PCMTD1: variants seen among roughly 807,000 people sequenced by gnomAD.
PCMTD1 encodes protein-L-isoaspartate (D-aspartate) O-methyltransferase domain containing 1.
PCMTD1 carries 12 observed loss-of-function variants against 37.6 expected under a neutral mutation model. That is an observed-to-expected ratio of 0.32 (90% confidence interval 0.20 to 0.52). The LOEUF (loss-of-function observed/expected upper bound fraction) is 0.52, where lower values mean the gene tolerates loss of function less well. Ranked by LOEUF, PCMTD1 falls within the 20% of genes least tolerant of loss-of-function variation. The pLI is 0.97. For missense variants in PCMTD1, 235 were observed against 421.3 expected (o/e 0.56, Z 3.87); for synonymous variants, 117 against 135.8 (o/e 0.86, Z 0.96).
intron 2 of PCMTD1, among the ~76,000 whole-genome samples, chr8:51,859,622 TAA>T (rs1042202368): frequency 6.6e-6 from 1 of 152,034 alleles, no homozygotes; most frequent in African/African-American, 2.4e-5. Context: ...GACTATACCT[TAA>T]AAGTCATAAT....
chr8:51,869,993 C>A (rs7011046), intron 1 of PCMTD1, among the ~76,000 whole-genome samples: 2 of 152,094 alleles, frequency 1.3e-5, no homozygotes, highest in South Asian at 2.1e-4. Context: ...TGTCAAAGGC[C>A]CCATACAATA....
intron 2 of PCMTD1, among the ~76,000 whole-genome samples, chr8:51,851,170 T>C (rs529145392): frequency 6.6e-6 from 1 of 152,370 alleles, no homozygotes; most frequent in East Asian, 1.9e-4. Context: ...TTGACCACTC[T>C]GAAGCTAATA....
intron 1 of PCMTD1, among the ~76,000 whole-genome samples, chr8:51,868,437 G>A (rs1362074449): frequency 6.6e-6 from 1 of 152,128 alleles, no homozygotes; most frequent in East Asian, 1.9e-4. Flanking sequence ...CTTCTGGAAT[G>A]TGAGGCTGGG....
At chr8:51,853,610 A>C (rs1221638830) in intron 2 of PCMTD1, among the ~76,000 whole-genome samples, 1 of 152,212 alleles carries the variant, frequency 6.6e-6, no homozygotes, top group Non-Finnish European at 1.5e-5. Flanking sequence ...AGATATGTAC[A>C]TACATAAATA....
intron 5 of PCMTD1, among the ~76,000 whole-genome samples, chr8:51,822,497 T>G (rs1231000465): frequency 6.6e-6 from 1 of 152,194 alleles, no homozygotes; most frequent in Non-Finnish European, 1.5e-5. Context: ...TGTACTTACT[T>G]TGTGTTAGAT....
intron 3 of PCMTD1, among the ~76,000 whole-genome samples, chr8:51,834,728 T>A (rs191697575): frequency 6.6e-6 from 1 of 152,272 alleles, no homozygotes; most frequent in Non-Finnish European, 1.5e-5. Flanking sequence ...TTAATAGACT[T>A]ATTACACAAT....
rs1359853862 is a variant in PCMTD1 at position 51,845,406 on chromosome 8, CTGAA to C, written c.410+251_410+254del. 1.2e-5 allele frequency: 4 copies of C among 336,468 alleles called. No individual in the cohort carries two copies. The East Asian group carries it at 1.7e-4, about 14-fold the overall frequency. The allele number at this position is 336,468 out of a possible 1,614,324, so 20.8% of individuals were successfully genotyped here. ...TACACTGTATCTCCAGAAAAGATAGCTGAATGTTTAATGAATTCAACATTACTAA... is the reference window on the plus strand; with the variant it reads ...TACACTGTATCTCCAGAAAAGATAGCTGTTTAATGAATTCAACATTACTAA... On this transcript the variant is annotated intron_variant, in intron 3 of 5. Transcript: ENST00000522514.
Position 51,838,010 on chromosome 8 carries a change from C to T in PCMTD1, c.411-4321G>A, listed in dbSNP as rs1363588528. ...AGATGTTGCCCAGGCTGGTTCTGAACTCCTGAACTCCGGCAATCTACCTGC... is the reference window on the plus strand; with the variant it reads ...AGATGTTGCCCAGGCTGGTTCTGAATTCCTGAACTCCGGCAATCTACCTGC... On this transcript the variant is annotated intron_variant, in intron 3 of 5. Coordinates refer to ENST00000522514, the MANE Select transcript of PCMTD1 (RefSeq NM_052937.4). Among the ~76,000 whole-genome samples, 11 of 152,252 alleles carry T rather than the reference C, an allele frequency of 7.2e-5. No individual in the cohort carries two copies. In the East Asian group the frequency reaches 1.4e-3, roughly 19 times the overall value.
In PCMTD1 at chr8:51,821,448, T is replaced by C. The variant is rs2037847279; in HGVS notation, c.707-730A>G. ...AAACCATCATGCCCGGCCCTCTACATGTAAAAATACACAAAAACCATCTGC... is the reference window on the plus strand; with the variant it reads ...AAACCATCATGCCCGGCCCTCTACACGTAAAAATACACAAAAACCATCTGC... On this transcript the variant is annotated intron_variant, in intron 5 of 5. Coordinates refer to ENST00000522514, the MANE Select transcript of PCMTD1 (RefSeq NM_052937.4). 2.0e-5 allele frequency among the ~76,000 whole-genome samples: 3 copies of C among 152,294 alleles called. No homozygotes were observed. The South Asian group carries it at 6.2e-4, about 32-fold the overall frequency.
chr8:51,832,419 G>C (rs537611308), intron 4 of PCMTD1, among the ~76,000 whole-genome samples: 8 of 152,282 alleles, frequency 5.3e-5, no homozygotes, highest in Admixed American at 1.3e-4. Context: ...AGTACATGGT[G>C]ATAGTGAGAT....
At chr8:51,856,942 G>C (rs575294851) in intron 2 of PCMTD1, among the ~76,000 whole-genome samples, 3 of 152,296 alleles carry the variant, frequency 2.0e-5, no homozygotes, top group African/African-American at 7.2e-5. Flanking sequence ...TCACTGAATT[G>C]TACTCTTAAA....
At chr8:51,823,769 T>C (rs2037881100) in intron 5 of PCMTD1, among the ~76,000 whole-genome samples, 1 of 152,210 alleles carries the variant, frequency 6.6e-6, no homozygotes, top group Non-Finnish European at 1.5e-5. Context: ...CCAATATCCC[T>C]GATGAACATC....
At chr8:51,898,829 T>A (rs976971068) in intron 1 of PCMTD1, 101 bp downstream of exon 1, 2 of 994,626 alleles carry the variant, frequency 2.0e-6, no homozygotes, top group African/African-American at 2.0e-5. Context: ...GCCGTCCCCC[T>A]GGCCCTCTGG....
At chr8:51,892,828 A>G (rs565976096) in intron 1 of PCMTD1, among the ~76,000 whole-genome samples, 34 of 151,340 alleles carry the variant, frequency 2.2e-4, no homozygotes, top group African/African-American at 8.2e-4. Context: ...AAATTTATTT[A>G]TATTTCATTG....
chr8:51,821,449 G>A (rs919259056), intron 5 of PCMTD1, among the ~76,000 whole-genome samples: 3 of 152,096 alleles, frequency 2.0e-5, no homozygotes, highest in Admixed American at 6.5e-5. Flanking sequence ...CCCTCTACAT[G>A]TAAAAATACA....
chr8:51,870,005 T>C (rs1281328049), intron 1 of PCMTD1, among the ~76,000 whole-genome samples: 1 of 152,150 alleles, frequency 6.6e-6, no homozygotes, highest in African/African-American at 2.4e-5. Context: ...CATACAATAT[T>C]ATGGTGTCTC....
intron 2 of PCMTD1, among the ~76,000 whole-genome samples, chr8:51,856,896 T>C (rs1421287461): frequency 6.6e-6 from 1 of 152,232 alleles, no homozygotes; most frequent in Non-Finnish European, 1.5e-5. Flanking sequence ...ATAATCTTTT[T>C]AGCACATTGG....
intron 5 of PCMTD1, among the ~76,000 whole-genome samples, chr8:51,825,700 CAAAAAAAA>C (rs1221587696): frequency 1.4e-4 from 1 of 6,932 alleles, no homozygotes; most frequent in African/African-American, 2.0e-4. Flanking sequence ...GACTCCGTCT[CAAAAAAAA>C]AAAAAAAAAA....
intron 2 of PCMTD1, among the ~76,000 whole-genome samples, chr8:51,853,674 ATTAT>A (rs1341293052): frequency 1.3e-5 from 2 of 152,216 alleles, no homozygotes; most frequent in Non-Finnish European, 2.9e-5. Flanking sequence ...TAGAGACTAT[ATTAT>A]TTATTTTACA....
Sources: allele counts gnomAD v4.1 joint callset (sites outside exome capture counted in the v4.1 genomes callset), GRCh38; gene constraint gnomAD v4.1.1; transcripts MANE v1.5; gene names NCBI Gene and HGNC (gene_info 2026-07-23, HGNC 2026-07-21).